Variants in BABAM2 observed in about 807,000 individuals in gnomAD.
The protein encoded by BABAM2 is BRISC and BRCA1-A complex member 2.
In BABAM2, 31 loss-of-function variants were observed where a neutral mutation model predicts 54.7. The observed-to-expected ratio is 0.57, with a 90% CI of 0.43 to 0.77. The LOEUF (loss-of-function observed/expected upper bound fraction) is 0.77, where lower values mean the gene tolerates loss of function less well. BABAM2 is among the 30% of genes least tolerant of loss of function. BABAM2 has a pLI of 0.00. For synonymous variants in BABAM2, 167 were observed against 162.9 expected (o/e 1.03, Z -0.19); for missense variants, 364 against 455.8 (o/e 0.80, Z 1.83).
intron 6 of BABAM2, among the ~76,000 whole-genome samples, chr2:28,121,889 C>A (rs1422655132): frequency 6.6e-6 from 1 of 152,072 alleles, no homozygotes; most frequent in Non-Finnish European, 1.5e-5. Context: ...AAATAGGATT[C>A]TGTTTTGCAA....
intron 6 of BABAM2, among the ~76,000 whole-genome samples, chr2:28,076,774 A>G (rs55714239): frequency 0.049 from 7,477 of 152,132 alleles, 214 homozygotes; most frequent in South Asian, 0.12. Context: ...CCAAAGTGAG[A>G]TTACAGGTGT....
chr2:28,243,285 G>C (rs994179363), intron 9 of BABAM2, among the ~76,000 whole-genome samples: 1 of 152,114 alleles, frequency 6.6e-6, no homozygotes, highest in Non-Finnish European at 1.5e-5. Flanking sequence ...TGTAATCCCA[G>C]CACTTTGGGA....
At chr2:28,096,441 C>T (rs76791943) in intron 6 of BABAM2, among the ~76,000 whole-genome samples, 12 of 151,068 alleles carry the variant, frequency 7.9e-5, no homozygotes, top group East Asian at 7.8e-4. Flanking sequence ...CTCATCTTAG[C>T]GGGAGTGAGG....
At chr2:27,954,713 T>C (rs1255831532) in intron 3 of BABAM2, among the ~76,000 whole-genome samples, 2 of 152,230 alleles carry the variant, frequency 1.3e-5, no homozygotes, top group Non-Finnish European at 2.9e-5. Flanking sequence ...TCTCAATCAA[T>C]TTCTTTTTGC....
intron 6 of BABAM2, among the ~76,000 whole-genome samples, chr2:28,072,332 C>G (rs1401606447): frequency 6.6e-6 from 1 of 151,868 alleles, no homozygotes; most frequent in South Asian, 2.1e-4. Flanking sequence ...ACCACCACGC[C>G]CAGCTAATTT....
intron 10 of BABAM2, among the ~76,000 whole-genome samples, chr2:28,255,431 G>A (rs1316223902): frequency 6.6e-6 from 1 of 151,878 alleles, no homozygotes; most frequent in Non-Finnish European, 1.5e-5. Flanking sequence ...GCACCGTCAT[G>A]CCCGGCTAAT....
intron 11 of BABAM2, chr2:28,307,563 C>CAATATTAA (rs1688669783): frequency 1.3e-5 from 2 of 151,972 alleles, no homozygotes; most frequent in Admixed American, 1.3e-4. Flanking sequence ...CTTATCACAG[C>CAATATTAA]CTACCGTGAA....
chr2:28,073,387 A>G (rs1664350807), intron 6 of BABAM2, among the ~76,000 whole-genome samples: 1 of 151,890 alleles, frequency 6.6e-6, no homozygotes, highest in Non-Finnish European at 1.5e-5. Flanking sequence ...AGTCCCAGCT[A>G]CTCAAGAGGC....
At chr2:28,040,200 A>AGATT in intron 5 of BABAM2, among the ~76,000 whole-genome samples, 1 of 151,898 alleles carries the variant, frequency 6.6e-6, no homozygotes, top group East Asian at 1.9e-4. Flanking sequence ...TTTTACATTA[A>AGATT]GATTGTTTTA....
At chr2:28,020,350 T>C (rs1480711680) in intron 4 of BABAM2, among the ~76,000 whole-genome samples, 3 of 152,224 alleles carry the variant, frequency 2.0e-5, no homozygotes, top group Non-Finnish European at 2.9e-5. Flanking sequence ...AAAGTTATAT[T>C]TCCATTATGA....
chr2:28,031,636 A>G (rs1035979283), intron 5 of BABAM2, among the ~76,000 whole-genome samples: 6 of 152,224 alleles, frequency 3.9e-5, no homozygotes, highest in African/African-American at 1.4e-4. Flanking sequence ...TTTAATCTGT[A>G]TCTCTAAAAG....
At chr2:27,992,700 A>G (rs1672865448) in intron 4 of BABAM2, among the ~76,000 whole-genome samples, 1 of 152,176 alleles carries the variant, frequency 6.6e-6, no homozygotes, top group Admixed American at 6.5e-5. Flanking sequence ...AGTGATGGGT[A>G]GGTTATGCTA....
rs530742597 is a variant in BABAM2, at chr2:28,298,253, A to T, written c.935-85A>T. 2.1e-6 allele frequency: 3 copies of T among 1,414,848 alleles called. No homozygotes were observed. The East Asian group carries it at 6.8e-5, about 32-fold the overall frequency. 87.6% of individuals were successfully genotyped at this position (1,414,848 alleles called of 1,614,324 possible). ...ATTTGTGGTTCAAATAGAGTTTCGT[A>T]CCTAACATTCGGATTTAGTCAAAAA... On this transcript the variant is annotated intron_variant, in intron 10 of 11. Coordinates refer to ENST00000379624, the MANE Select transcript of BABAM2 (RefSeq NM_199191.3).
intron 7 of BABAM2, among the ~76,000 whole-genome samples, chr2:28,187,713 G>T (rs531963813): frequency 8.0e-6 from 1 of 125,286 alleles, no homozygotes; most frequent in East Asian, 2.7e-4. Context: ...CTGTGGCCCA[G>T]ACTGGAGTGC....
At chr2:28,159,105 T>C (rs1672812428) in intron 7 of BABAM2, among the ~76,000 whole-genome samples, 1 of 152,200 alleles carries the variant, frequency 6.6e-6, no homozygotes. Flanking sequence ...ATTTCAGGAG[T>C]TTCTGTTTGT....
At chr2:28,233,141 A>C (rs1023301686) in intron 7 of BABAM2, 1 of 465,654 alleles carries the variant, frequency 2.1e-6, no homozygotes, top group Non-Finnish European at 4.5e-6. Context: ...TTCTCCTCCC[A>C]GGTTAAGCCT....
chr2:28,095,168 G>A (rs568977998), intron 6 of BABAM2, among the ~76,000 whole-genome samples: 5 of 152,136 alleles, frequency 3.3e-5, no homozygotes, highest in Admixed American at 6.5e-5. Context: ...TAGCAGTCCC[G>A]TCATTTTATA....
intron 5 of BABAM2, among the ~76,000 whole-genome samples, chr2:28,041,083 C>A (rs1453133783): frequency 6.6e-6 from 1 of 152,136 alleles, no homozygotes; most frequent in African/African-American, 2.4e-5. Context: ...TCAAATGAGT[C>A]CAAGTGCTAA....
At chr2:28,204,101 T>C (rs1678571778) in intron 7 of BABAM2, among the ~76,000 whole-genome samples, 1 of 152,214 alleles carries the variant, frequency 6.6e-6, no homozygotes, top group Non-Finnish European at 1.5e-5. Context: ...TTTTAACCTA[T>C]TTTTACATTT....
Sources: allele counts gnomAD v4.1 joint callset (sites outside exome capture counted in the v4.1 genomes callset), GRCh38; gene constraint gnomAD v4.1.1; transcripts MANE v1.5; gene names NCBI Gene and HGNC (gene_info 2026-07-23, HGNC 2026-07-21).